Variants in EYS observed in about 807,000 individuals in gnomAD.
EYS encodes the protein EGF-like photoreceptor maintenance factor.
A neutral mutation model predicts 282.1 loss-of-function variants in EYS; 250 were observed. The observed-to-expected ratio is 0.89, with a 90% CI of 0.80 to 0.98. The LOEUF (loss-of-function observed/expected upper bound fraction) is 0.98, where lower values mean the gene tolerates loss of function less well. EYS is among the 50% of genes least tolerant of loss of function. EYS has a pLI of 0.00. For missense variants in EYS, 4,016 were observed against 3,709.0 expected, an observed-to-expected ratio of 1.08 and a Z score of -2.15; for synonymous variants, 1,355 against 1,282.9, an observed-to-expected ratio of 1.06 and a Z score of -1.20.
At chr6:65,154,740 T>A (rs566679606) in intron 12 of EYS, among the ~76,000 whole-genome samples, 2 of 151,520 alleles carry the variant, frequency 1.3e-5, no homozygotes, top group South Asian at 4.2e-4. Context: ...AGCAGATTAT[T>A]TTTTCCAACT....
intron 31 of EYS, among the ~76,000 whole-genome samples, chr6:64,108,045 G>A (rs1014358948): frequency 3.9e-5 from 6 of 152,066 alleles, no homozygotes; most frequent in Non-Finnish European, 8.8e-5. Context: ...AGATCTTGTT[G>A]AGAAGAACAG....
At chr6:65,096,725 A>T (rs1236685205) in intron 12 of EYS, among the ~76,000 whole-genome samples, 2 of 151,042 alleles carry the variant, frequency 1.3e-5, no homozygotes, top group Admixed American at 1.3e-4. Context: ...TTTAACAACT[A>T]TGCCAAGAAT....
intron 31 of EYS, among the ~76,000 whole-genome samples, chr6:64,218,312 C>T (rs1357206692): frequency 6.6e-6 from 1 of 152,066 alleles, no homozygotes; most frequent in Non-Finnish European, 1.5e-5. Context: ...CTTCTTGTGT[C>T]CCTTTGAGAT....
chr6:64,935,755 CA>C lies in EYS; in HGVS notation c.2381+10037del, dbSNP rs1398249998. ...AAAGGTAAAACCACGGAAAGTAACC[CA>C]AAAAAAGTATAGCATATCAATAAAC... On this transcript the variant is annotated intron_variant, in intron 15 of 42. Coordinates refer to ENST00000503581, the MANE Select transcript of EYS (RefSeq NM_001142800.2). 5.3e-5 allele frequency among the ~76,000 whole-genome samples: 8 copies of C among 151,228 alleles called. No individual in the cohort carries two copies. The East Asian group carries it at 1.2e-3, about 22-fold the overall frequency.
intron 12 of EYS, among the ~76,000 whole-genome samples, chr6:65,274,588 T>A (rs1767992397): frequency 6.6e-6 from 1 of 152,196 alleles, no homozygotes. Context: ...TTTTCTGTTT[T>A]ACCTCAGGGT....
chr6:65,370,492 C>G (rs915595252), intron 8 of EYS, among the ~76,000 whole-genome samples: 1 of 151,196 alleles, frequency 6.6e-6, no homozygotes, highest in Non-Finnish European at 1.5e-5. Flanking sequence ...TGGCCTCAAG[C>G]CATCCTTCTA....
chr6:64,372,510 T>G (rs1224840899), intron 29 of EYS, among the ~76,000 whole-genome samples: 8 of 151,804 alleles, frequency 5.3e-5, no homozygotes, highest in Non-Finnish European at 1.2e-4. Flanking sequence ...CTGATGTCTC[T>G]GTGTCTTGGG....
chr6:63,995,433 T>C (rs1179210078), intron 34 of EYS, among the ~76,000 whole-genome samples: 1 of 151,886 alleles, frequency 6.6e-6, no homozygotes, highest in Non-Finnish European at 1.5e-5. Flanking sequence ...GAAGTGGAAA[T>C]TTATGAGCAC....
chr6:64,786,031 T>G (rs1348155184), intron 22 of EYS, among the ~76,000 whole-genome samples: 1 of 152,118 alleles, frequency 6.6e-6, no homozygotes, highest in Admixed American at 6.6e-5. Flanking sequence ...TGCAAAGAAT[T>G]AAGTAAATAA....
chr6:64,205,600 C>A (rs1325648390), intron 31 of EYS, among the ~76,000 whole-genome samples: 1 of 152,046 alleles, frequency 6.6e-6, no homozygotes. Context: ...TAATTATGTG[C>A]AGACATACAG....
chr6:64,893,226 A>G (rs368323843), intron 18 of EYS, among the ~76,000 whole-genome samples: 29 of 152,182 alleles, frequency 1.9e-4, no homozygotes, highest in East Asian at 7.7e-4. Flanking sequence ...GGATTTGTAT[A>G]TTAATTGGGG....
chr6:64,762,773 T>C (rs1773202587), intron 22 of EYS, among the ~76,000 whole-genome samples: 1 of 152,152 alleles, frequency 6.6e-6, no homozygotes, highest in South Asian at 2.1e-4. Flanking sequence ...GTCTTTTTCT[T>C]TGCAATACTG....
chr6:65,342,241 ATTTAAC>A (rs1276586992), intron 10 of EYS, among the ~76,000 whole-genome samples: 1 of 92,416 alleles, frequency 1.1e-5, no homozygotes, highest in Non-Finnish European at 2.4e-5. Flanking sequence ...GCCTGATTTA[ATTTAAC>A]TTTAAGAGAA....
chr6:64,906,712 T>C (rs1464108170), intron 16 of EYS, among the ~76,000 whole-genome samples: 2 of 152,204 alleles, frequency 1.3e-5, no homozygotes, highest in African/African-American at 4.8e-5. Context: ...ATTTTAATCC[T>C]GTCATTTAAA....
chr6:64,785,317 A>G (rs1184091487), intron 22 of EYS, among the ~76,000 whole-genome samples: 1 of 152,178 alleles, frequency 6.6e-6, no homozygotes, highest in Non-Finnish European at 1.5e-5. Flanking sequence ...TGTATGTACT[A>G]ATCAATCTTG....
intron 11 of EYS, chr6:65,331,317 CT>C: frequency 1.4e-6 from 1 of 690,622 alleles, no homozygotes. Flanking sequence ...ATAATTTTCT[CT>C]TTTTCATTGA....
chr6:63,721,555 C>T lies in EYS; in HGVS notation c.8476G>A (p.Val2826Ile), dbSNP rs892093060. The T allele has an allele frequency of 6.4e-7, 1 of 1,551,812 alleles. No individual in the cohort carries two copies. Among genetic ancestry groups the T allele is most frequent in the Non-Finnish European group, 8.7e-7 (1 of 1,146,890 alleles). Residue 2826 changes from valine (V) to isoleucine (I), a missense_variant, in exon 43 of 43, where the codon GTA (valine) becomes ATA (isoleucine). Coordinates refer to ENST00000503581, the MANE Select transcript of EYS (RefSeq NM_001142800.2). ...GGATTTACAAGATTTAAAGAAGATA[C>T]TCCTCCAATATAGAAGTCTGTATTT... Reference protein sequence around the residue: ...DTNTDFYIGGVSSLNLVNPMA... With the variant: ...DTNTDFYIGGISSLNLVNPMA...
At chr6:63,898,897 C>G (rs923914681) in intron 35 of EYS, among the ~76,000 whole-genome samples, 4 of 152,114 alleles carry the variant, frequency 2.6e-5, no homozygotes, top group Non-Finnish European at 5.9e-5. Flanking sequence ...GTTTTTAGTG[C>G]ATCATTATGA....
rs1098684 is a variant in EYS, at chr6:65,181,152, G to A, written c.2023+114711C>T. Among the ~76,000 whole-genome samples, 1,365 of 152,196 alleles carry A rather than the reference G, an allele frequency of 9.0e-3. 15 individuals carry two copies. The highest frequency in any genetic ancestry group is 0.031 in the African/African-American group (1,295 of 41,538). ...CATTCAGGACATAGGCATCGGCAAGGACTTCATGTCCAAAACACCAAAAGC... is the reference window on the plus strand; with the variant it reads ...CATTCAGGACATAGGCATCGGCAAGAACTTCATGTCCAAAACACCAAAAGC... On this transcript the variant is annotated intron_variant, in intron 12 of 42. Coordinates refer to ENST00000503581, the MANE Select transcript of EYS (RefSeq NM_001142800.2).
Sources: allele counts gnomAD v4.1 joint callset (sites outside exome capture counted in the v4.1 genomes callset), GRCh38; gene constraint gnomAD v4.1.1; transcripts MANE v1.5; gene names NCBI Gene and HGNC (gene_info 2026-07-23, HGNC 2026-07-21).